Variants in SYT10 observed in about 807,000 individuals in gnomAD.
The protein encoded by SYT10 is synaptotagmin-10.
Under a neutral mutation model 51.1 loss-of-function variants are expected in SYT10, and 31 were observed. The ratio of observed to expected loss-of-function variants is 0.61; its 90% confidence interval spans 0.46 to 0.82. SYT10 has a LOEUF of 0.82. Ranked by LOEUF, SYT10 falls within the 40% of genes least tolerant of loss-of-function variation. SYT10 has a pLI of 0.00. For missense variants in SYT10, 603 were observed against 634.0 expected, an observed-to-expected ratio of 0.95 and a Z score of 0.53; for synonymous variants, 233 against 225.9, an observed-to-expected ratio of 1.03 and a Z score of -0.28.
At position 33,426,487 on chromosome 12, in the gene SYT10, CTG is replaced by C; in HGVS notation, c.158_159del (p.Ser53CysfsTer53). 1 of 1,565,526 alleles carries C rather than the reference CTG, an allele frequency of 6.4e-7. No homozygotes were observed. The highest frequency in any genetic ancestry group is 8.6e-7 in the Non-Finnish European group (1 of 1,160,516). ...GSQGGSSTDISVSLLAVVVSF... is the reference protein window; with the variant it reads ...GSQGGSSTDIXVSLLAVVVSF... ...CTGACAACGACAGCTAACAGGCTGA[CTG>C]AAATATCTGGAAAAATTACAATGTA... On this transcript the variant is annotated frameshift_variant, in exon 2 of 7. Transcript: ENST00000228567. LOFTEE classifies it high-confidence loss of function.
chr12:33,437,180 C>T (rs1178034516), intron 1 of SYT10, among the ~76,000 whole-genome samples: 4 of 152,152 alleles, frequency 2.6e-5, no homozygotes, highest in African/African-American at 9.7e-5. Context: ...GCAATCTTGT[C>T]TTTATATGTC....
Position 33,375,512 on chromosome 12 carries a change from G to A in SYT10, c.*1318C>T, listed in dbSNP as rs1341619448. 1 of 151,766 alleles carries A rather than the reference G, an allele frequency of 6.6e-6. No individual in the cohort carries two copies. The highest frequency in any genetic ancestry group is 1.5e-5 in the Non-Finnish European group (1 of 67,914). 9.4% of individuals were successfully genotyped at this position (151,766 alleles called of 1,614,324 possible). On this transcript the variant is annotated 3_prime_UTR_variant, in exon 7 of 7. Coordinates refer to ENST00000228567, the MANE Select transcript of SYT10 (RefSeq NM_198992.4). ...AGTAAGGTTGGGGTAATTCAGTATA[G>A]ATACCTTCCAACAGGGCCTGAAAAT...
chr12:33,439,622 C>T lies in SYT10; in HGVS notation c.-100G>A, dbSNP rs1866668298. ...CTGGCGCCCTAAGCCATAGTCCGCC[C>T]GCGGTGACTTTGGCTGGAGATTGCG... On this transcript the variant is annotated 5_prime_UTR_variant, in exon 1 of 7. Transcript: ENST00000228567. The T allele has an allele frequency of 7.0e-7, 1 of 1,425,188 alleles. No homozygotes were observed. The allele number at this position is 1,425,188 out of a possible 1,614,324, so 88.3% of individuals were successfully genotyped here. A position where few individuals can be genotyped will look rare whatever the true frequency, so the allele number is the denominator to read the frequency against.
At chr12:33,384,317 C>T (rs923000565) in intron 4 of SYT10, among the ~76,000 whole-genome samples, 5 of 152,156 alleles carry the variant, frequency 3.3e-5, no homozygotes, top group African/African-American at 1.2e-4. Context: ...GCTATTTCCA[C>T]ACCAGAACTT....
At chr12:33,426,009 ATTTCTCCTG>A in intron 2 of SYT10, 120 bp downstream of exon 2, 1 of 919,200 alleles carries the variant, frequency 1.1e-6, no homozygotes, top group Non-Finnish European at 1.6e-6. Context: ...TGTCTTTCCC[ATTTCTCCTG>A]TTTCTCTTTT....
At position 33,375,024 on chromosome 12, in the gene SYT10, AAAT is replaced by A. The variant is rs761537272; in HGVS notation, c.*1803_*1805del. ...GAAAAGTTTTATTTCCCAATAAAAC[AAAT>A]AATTTCAAAATGCAAGTGTCATCTT... On this transcript the variant is annotated 3_prime_UTR_variant, in exon 7 of 7. Coordinates refer to ENST00000228567, the MANE Select transcript of SYT10 (RefSeq NM_198992.4). 1 of 152,054 alleles carries A rather than the reference AAAT, an allele frequency of 6.6e-6. No individual in the cohort carries two copies. Among genetic ancestry groups the A allele is most frequent in the African/African-American group, 2.4e-5 (1 of 41,452 alleles). 9.4% of individuals were successfully genotyped at this position (152,054 alleles called of 1,614,324 possible).
chr12:33,433,228 G>A (rs1866611015), intron 1 of SYT10, among the ~76,000 whole-genome samples: 1 of 152,062 alleles, frequency 6.6e-6, no homozygotes, highest in African/African-American at 2.4e-5. Context: ...CTTATCTGAA[G>A]GTTCAGTTTG....
chr12:33,426,062 TCACACACACA>T lies in SYT10; in HGVS notation c.509+66_509+75del, dbSNP rs3046353. 3.3e-3 allele frequency: 3,953 copies of T among 1,200,358 alleles called. 12 individuals carry two copies. The East Asian group carries it at 0.046, about 14-fold the overall frequency. The allele number at this position is 1,200,358 out of a possible 1,614,324, so 74.4% of individuals were successfully genotyped here. A position where few individuals can be genotyped will look rare whatever the true frequency, so the allele number is the denominator to read the frequency against. ...TAAAGTTTTTCTCTCTTATGAAATTTCACACACACACACACACACACACACACACACACAC... is the reference window on the plus strand; with the variant it reads ...TAAAGTTTTTCTCTCTTATGAAATTTCACACACACACACACACACACACAC... On this transcript the variant is annotated intron_variant, in intron 2 of 6. Transcript: ENST00000228567.
In SYT10 at chr12:33,426,118, T is replaced by C. The variant is rs189766033; in HGVS notation, c.509+20A>G. 1.4e-4 allele frequency: 226 copies of C among 1,567,044 alleles called. No homozygotes were observed. The East Asian group carries it at 4.9e-3, about 34-fold the overall frequency. On this transcript the variant is annotated intron_variant, in intron 2 of 6. Coordinates refer to ENST00000228567, the MANE Select transcript of SYT10 (RefSeq NM_198992.4). Reference sequence around the variant, plus strand: ...CACACACGCACACACACCAGTTTTATATATTTAATCTTTCCTTACCGGGTT... The same window carrying C: ...CACACACGCACACACACCAGTTTTACATATTTAATCTTTCCTTACCGGGTT...
At chr12:33,380,456 G>A in intron 5 of SYT10, among the ~76,000 whole-genome samples, 1 of 152,028 alleles carries the variant, frequency 6.6e-6, no homozygotes, top group East Asian at 1.9e-4. Flanking sequence ...ATTAAATAGG[G>A]CAGGATTATG....
chr12:33,384,037 C>T (rs1272035549), intron 4 of SYT10, among the ~76,000 whole-genome samples: 2 of 152,090 alleles, frequency 1.3e-5, no homozygotes, highest in Admixed American at 6.6e-5. Context: ...TCTACTTTCA[C>T]ATACACACTA....
Position 33,381,710 on chromosome 12 carries a change from G to T in SYT10, c.1370+639C>A, listed in dbSNP as rs111912789. On this transcript the variant is annotated intron_variant, in intron 5 of 6. Transcript: ENST00000228567. The stretch of plus-strand genomic sequence containing the variant: ...GAGTGGGAGGGCAAAGGTAAGAGCT[G>T]CAGTGGGAAGGATCTTCAGAGCTGC... Among the ~76,000 whole-genome samples, 779 of 152,214 alleles carry T rather than the reference G, an allele frequency of 5.1e-3. 8 individuals are homozygous for T. The highest frequency in any genetic ancestry group is 0.018 in the African/African-American group (733 of 41,556).
intron 1 of SYT10, among the ~76,000 whole-genome samples, chr12:33,433,577 A>T (rs1866613923): frequency 6.6e-6 from 1 of 152,208 alleles, no homozygotes; most frequent in Non-Finnish European, 1.5e-5. Context: ...GTGATTTTAC[A>T]GTTGACACAA....
chr12:33,403,291 G>C (rs187338362), intron 3 of SYT10, among the ~76,000 whole-genome samples: 1 of 146,778 alleles, frequency 6.8e-6, no homozygotes, highest in Non-Finnish European at 1.5e-5. Context: ...GGTGTGTAGT[G>C]GTGCCATCTT....
chr12:33,386,793 A>G (rs567837489), intron 3 of SYT10, among the ~76,000 whole-genome samples: 56 of 152,322 alleles, frequency 3.7e-4, no homozygotes, highest in African/African-American at 1.3e-3. Flanking sequence ...ACTGAAGTGC[A>G]CGGTGCATAG....
At chr12:33,386,682 T>G (rs1024617493) in intron 3 of SYT10, among the ~76,000 whole-genome samples, 34 of 152,178 alleles carry the variant, frequency 2.2e-4, no homozygotes, top group African/African-American at 8.2e-4. Context: ...TAGTACTTAT[T>G]GTCTGATATC....
chr12:33,418,651 C>T lies in SYT10; in HGVS notation c.509+7487G>A, dbSNP rs1256890968. On this transcript the variant is annotated intron_variant, in intron 2 of 6. Transcript: ENST00000228567. ...TCCAAAATCTTCAAGTCATTTTTGA[C>T]TCTTCTTATTTCACTCACATGCCCC... Among the ~76,000 whole-genome samples the T allele has an allele frequency of 4.6e-5, 7 of 152,160 alleles. No individual in the cohort carries two copies. In the East Asian group the frequency reaches 7.7e-4, roughly 17 times the overall value.
intron 3 of SYT10, among the ~76,000 whole-genome samples, chr12:33,391,879 TGCAGGAGAG>T (rs1866210861): frequency 6.6e-6 from 1 of 152,202 alleles, no homozygotes; most frequent in African/African-American, 2.4e-5. Flanking sequence ...TTCCGTTAGT[TGCAGGAGAG>T]GCATCTACTG....
At chr12:33,408,822 AAT>A (rs986144083) in intron 2 of SYT10, among the ~76,000 whole-genome samples, 24 of 152,252 alleles carry the variant, frequency 1.6e-4, no homozygotes, top group African/African-American at 5.8e-4. Context: ...CAATAGCACT[AAT>A]ATTTTTTATC....
Sources: allele counts gnomAD v4.1 joint callset (sites outside exome capture counted in the v4.1 genomes callset), GRCh38; gene constraint gnomAD v4.1.1; transcripts MANE v1.5; gene names NCBI Gene and HGNC (gene_info 2026-07-23, HGNC 2026-07-21).